The following TET3 variants were observed in gnomAD, a reference collection of about 807,000 sequenced individuals.
TET3 encodes methylcytosine dioxygenase TET3.
In TET3, 19 loss-of-function variants were observed where a neutral mutation model predicts 141.4. The observed-to-expected ratio is 0.13, with a 90% CI of 0.09 to 0.20. The LOEUF (loss-of-function observed/expected upper bound fraction) is 0.20. Ranked by LOEUF, TET3 falls within the 10% of genes least tolerant of loss-of-function variation. The pLI is 1.00. For missense variants in TET3, 1,874 were observed against 2,356.9 expected (o/e 0.80, Z 4.24); for synonymous variants, 1,043 against 980.9 (o/e 1.06, Z -1.18).
rs779181384 is a variant in TET3 at position 74,100,394 on chromosome 2, C to G, written c.3606C>G (p.Gly1202=). 7 of 1,558,794 alleles carry G rather than the reference C, an allele frequency of 4.5e-6. No individual in the cohort carries two copies. In the South Asian group the frequency reaches 8.3e-5, roughly 18 times the overall value. ...CCATCTTGCCTTCTGTTTCCCCAGG[C>G]CTGTCTCTGAAGGGTGGATTGTCCC... The part of the protein sequence containing the change: ...LELAGITSDP[G]LSLKGGLSQQ... The change falls in exon 12 of 12, where the codon GGC becomes GGG. Residue 1202 remains glycine, a splice_region_variant and synonymous_variant. Coordinates refer to ENST00000409262, the MANE Select transcript of TET3 (RefSeq NM_001287491.2).
chr2:74,014,470 G>T (rs1685626444), intron 3 of TET3, among the ~76,000 whole-genome samples: 1 of 152,090 alleles, frequency 6.6e-6, no homozygotes, highest in Non-Finnish European at 1.5e-5. Context: ...GCAGCACTTG[G>T]TGACTCCCTT....
chr2:74,125,831 AGCTGAATGTTATAC>A, the TET3 span, among the ~76,000 whole-genome samples: 1 of 152,160 alleles, frequency 6.6e-6, no homozygotes, highest in Non-Finnish European at 1.5e-5. Context: ...CACCATGCCC[AGCTGAATGTTATAC>A]TTTGTAGCTC....
At chr2:74,015,565 T>C (rs750138749) in intron 3 of TET3, among the ~76,000 whole-genome samples, 2 of 152,242 alleles carry the variant, frequency 1.3e-5, no homozygotes, top group South Asian at 2.1e-4. Context: ...AGTACATCTG[T>C]CTTTGCCTTT....
chr2:74,042,599 C>G (rs1050873029), intron 3 of TET3, among the ~76,000 whole-genome samples: 1 of 152,190 alleles, frequency 6.6e-6, no homozygotes, highest in African/African-American at 2.4e-5. Flanking sequence ...CAGTATCTCC[C>G]CATTTACTGT....
At chr2:74,119,224 G>T in the TET3 span, among the ~76,000 whole-genome samples, 1 of 151,990 alleles carries the variant, frequency 6.6e-6, no homozygotes, top group South Asian at 2.1e-4. Context: ...ATGGTGTCAC[G>T]TGCCTGTAAT....
intron 2 of TET3, among the ~76,000 whole-genome samples, chr2:73,994,301 C>T (rs1684470993): frequency 6.6e-6 from 1 of 152,192 alleles, no homozygotes; most frequent in East Asian, 1.9e-4. Context: ...AACACAGGCT[C>T]AGGCAAAGCT....
Position 74,068,990 on chromosome 2 carries a change from T to A in TET3, c.2495-4559T>A, listed in dbSNP as rs576686584. ...TGTCTTTCAGCTTGACTTTCAGTAG[T>A]TATTACAAAGTTTTTCTTCAGTTGA... is the stretch of plus-strand genomic sequence containing the variant. On this transcript the variant is annotated intron_variant, in intron 4 of 11. Transcript: ENST00000409262. Among the ~76,000 whole-genome samples, 157 of 152,328 alleles carry A rather than the reference T, an allele frequency of 1.0e-3. 1 individual carries two copies. Among genetic ancestry groups the A allele is most frequent in the African/African-American group, 3.6e-3 (151 of 41,580 alleles).
chr2:74,023,787 G>T (rs1248563503), intron 3 of TET3, among the ~76,000 whole-genome samples: 1 of 152,038 alleles, frequency 6.6e-6, no homozygotes, highest in African/African-American at 2.4e-5. Flanking sequence ...ACAGATGGTG[G>T]TTATATTCCT....
At chr2:74,062,202 C>T (rs555866681) in intron 4 of TET3, among the ~76,000 whole-genome samples, 2 of 152,330 alleles carry the variant, frequency 1.3e-5, no homozygotes, top group East Asian at 1.9e-4. Flanking sequence ...GCGGATCACT[C>T]GCGGTTAGGA....
At chr2:74,023,316 C>A (rs889854099) in intron 3 of TET3, among the ~76,000 whole-genome samples, 1 of 152,186 alleles carries the variant, frequency 6.6e-6, no homozygotes, top group African/African-American at 2.4e-5. Flanking sequence ...GATCATGGCT[C>A]ACTGCAGCCT....
intron 6 of TET3, among the ~76,000 whole-genome samples, chr2:74,086,387 A>G (rs1355586018): frequency 6.6e-6 from 1 of 152,258 alleles, no homozygotes; most frequent in Non-Finnish European, 1.5e-5. Context: ...CTTAAAAAAA[A>G]AAAAAGTAGC....
chr2:73,984,354 G>A (rs560527708), upstream of TET3, among the ~76,000 whole-genome samples: 36 of 152,340 alleles, frequency 2.4e-4, no homozygotes, highest in Non-Finnish European at 4.0e-4. The surrounding 1 kb of genome is among the most constrained non-coding windows in gnomAD (Gnocchi z 5.6). Flanking sequence ...CTCTGCCCCC[G>A]AGCAACCCCT....
At chr2:74,072,270 T>TG (rs1454614478) in intron 4 of TET3, among the ~76,000 whole-genome samples, 1 of 152,226 alleles carries the variant, frequency 6.6e-6, no homozygotes, top group Non-Finnish European at 1.5e-5. Flanking sequence ...CCCAGCACTT[T>TG]GGGAGGCCAA....
intron 4 of TET3, among the ~76,000 whole-genome samples, chr2:74,065,839 A>T (rs1340083349): frequency 6.6e-6 from 1 of 150,540 alleles, no homozygotes; most frequent in Non-Finnish European, 1.5e-5. Flanking sequence ...GCTCACTGCA[A>T]CCTCCGCCTC....
the TET3 span, among the ~76,000 whole-genome samples, chr2:74,120,366 TGGC>T: frequency 6.6e-6 from 1 of 152,226 alleles, no homozygotes; most frequent in Non-Finnish European, 1.5e-5. Flanking sequence ...TCCGGAGAGA[TGGC>T]GGGCGACGTC....
At chr2:74,056,743 G>A (rs933941146) in intron 4 of TET3, among the ~76,000 whole-genome samples, 1 of 152,182 alleles carries the variant, frequency 6.6e-6, no homozygotes, top group African/African-American at 2.4e-5. Context: ...GAAACCTGGT[G>A]AAAGGAACCA....
At chr2:74,037,782 A>T (rs748514337) in intron 3 of TET3, among the ~76,000 whole-genome samples, 2 of 152,224 alleles carry the variant, frequency 1.3e-5, no homozygotes, top group Non-Finnish European at 2.9e-5. Flanking sequence ...AGGTATAGCC[A>T]ATCAGGACTT....
At chr2:74,014,511 C>A (rs900865842) in intron 3 of TET3, among the ~76,000 whole-genome samples, 1 of 152,088 alleles carries the variant, frequency 6.6e-6, no homozygotes, top group Non-Finnish European at 1.5e-5. Context: ...CAAATAGGGA[C>A]CCTAGTAATA....
chr2:74,123,747 G>A, the TET3 span, among the ~76,000 whole-genome samples: 2 of 151,562 alleles, frequency 1.3e-5, no homozygotes, highest in South Asian at 4.2e-4. Context: ...GAGCCCTTCT[G>A]ACCGGCTGCC....
Sources: allele counts gnomAD v4.1 joint callset (sites outside exome capture counted in the v4.1 genomes callset), GRCh38; gene constraint gnomAD v4.1.1; non-coding constraint Gnocchi (gnomAD v3.1); transcripts MANE v1.5; gene names NCBI Gene and HGNC (gene_info 2026-07-23, HGNC 2026-07-21).